The following PPM1E variants were observed in gnomAD, a reference collection of about 807,000 sequenced individuals.
The protein encoded by PPM1E is protein phosphatase, Mg2+/Mn2+ dependent 1E, also known as protein phosphatase 1E.
PPM1E carries 20 observed loss-of-function variants against 65.9 expected under a neutral mutation model. The observed-to-expected ratio is 0.30, with a 90% confidence interval of 0.21 to 0.44. The LOEUF is 0.44. PPM1E is among the 20% of genes least tolerant of loss of function. The probability of loss-of-function intolerance (pLI) is 1.00; values close to 1 mark genes in which losing one functional copy is unlikely to be tolerated. For synonymous variants in PPM1E, 352 were observed against 374.9 expected (o/e 0.94, Z 0.70); for missense variants, 713 against 953.1 (o/e 0.75, Z 3.32).
intron 1 of PPM1E, among the ~76,000 whole-genome samples, chr17:58,873,565 G>GTAGTAT (rs150532868): frequency 4.3e-5 from 6 of 141,010 alleles, no homozygotes; most frequent in African/African-American, 1.0e-4. Flanking sequence ...AATGCTCATA[G>GTAGTAT]TATTATTATT....
chr17:58,897,136 C>T (rs779316929), intron 1 of PPM1E, among the ~76,000 whole-genome samples: 32 of 151,984 alleles, frequency 2.1e-4, no homozygotes, highest in Admixed American at 4.6e-4. Context: ...TACTGCCGGC[C>T]GGGCGCGGTG....
intron 2 of PPM1E, among the ~76,000 whole-genome samples, chr17:58,960,101 C>T (rs2029984075): frequency 6.6e-6 from 1 of 152,162 alleles, no homozygotes; most frequent in Admixed American, 6.6e-5. Flanking sequence ...AAGGGATACA[C>T]AGGTAGATTC....
chr17:58,948,471 T>TA (rs991144901), intron 1 of PPM1E, among the ~76,000 whole-genome samples: 2 of 151,478 alleles, frequency 1.3e-5, no homozygotes, highest in African/African-American at 2.4e-5. Flanking sequence ...TTTCTTCCTT[T>TA]AAAAAAAAAT....
intron 1 of PPM1E, among the ~76,000 whole-genome samples, chr17:58,778,027 T>C (rs891542813): frequency 2.0e-5 from 3 of 152,134 alleles, no homozygotes; most frequent in African/African-American, 7.2e-5. Context: ...CCTCTGGGTC[T>C]CAATCGGTCT....
At chr17:58,802,287 C>G (rs2050265852) in intron 1 of PPM1E, among the ~76,000 whole-genome samples, 1 of 152,100 alleles carries the variant, frequency 6.6e-6, no homozygotes, top group African/African-American at 2.4e-5. Context: ...ATTAAAGAAA[C>G]TATCCTTTCC....
chr17:58,823,393 A>AT (rs2050500289), intron 1 of PPM1E, among the ~76,000 whole-genome samples: 2 of 152,186 alleles, frequency 1.3e-5, no homozygotes, highest in South Asian at 4.1e-4. Context: ...CAGGATTGTG[A>AT]TAACGCTGTT....
intron 1 of PPM1E, among the ~76,000 whole-genome samples, chr17:58,836,864 A>G (rs2050663432): frequency 6.7e-6 from 1 of 149,982 alleles, no homozygotes; most frequent in Admixed American, 6.6e-5. Flanking sequence ...TACTAAAAAT[A>G]CAAAAATTAG....
chr17:58,836,350 G>T (rs948863597), intron 1 of PPM1E, among the ~76,000 whole-genome samples: 1 of 151,858 alleles, frequency 6.6e-6, no homozygotes, highest in Non-Finnish European at 1.5e-5. Context: ...TTCCCAGGGG[G>T]CCTGGCATGG....
chr17:58,965,073 T>TAC (rs1181922399), intron 2 of PPM1E, among the ~76,000 whole-genome samples: 191 of 148,724 alleles, frequency 1.3e-3, no homozygotes, highest in East Asian at 8.5e-3. Context: ...AGTATATATA[T>TAC]ACACACACAC....
intron 1 of PPM1E, among the ~76,000 whole-genome samples, chr17:58,865,572 C>A (rs559809492): frequency 6.6e-6 from 1 of 152,132 alleles, no homozygotes; most frequent in East Asian, 1.9e-4. Flanking sequence ...TGATGGTGCA[C>A]ACTTGTAGTT....
At chr17:58,948,794 G>A (rs1232100810) in intron 1 of PPM1E, among the ~76,000 whole-genome samples, 1 of 152,112 alleles carries the variant, frequency 6.6e-6, no homozygotes, top group African/African-American at 2.4e-5. Context: ...GGAGCATGTT[G>A]TGTAATTTCC....
At chr17:58,960,727 C>CT (rs1428794569) in intron 2 of PPM1E, among the ~76,000 whole-genome samples, 2 of 147,176 alleles carry the variant, frequency 1.4e-5, no homozygotes, top group East Asian at 4.0e-4. Flanking sequence ...GATCACGCCA[C>CT]TGCACTCCAA....
At chr17:58,803,140 G>A (rs78956268) in intron 1 of PPM1E, among the ~76,000 whole-genome samples, 1,976 of 152,192 alleles carry the variant, frequency 0.013, 23 homozygotes, top group Non-Finnish European at 0.022. Context: ...ACTGAGGACC[G>A]TTGTCTTGTT....
chr17:58,882,951 C>CTTTTTT (rs549698099), intron 1 of PPM1E, among the ~76,000 whole-genome samples: 62 of 98,844 alleles, frequency 6.3e-4, no homozygotes, highest in Non-Finnish European at 8.8e-4. Context: ...TTATTACTTT[C>CTTTTTT]TTTTTTTTTT....
chr17:58,846,828 TC>T (rs1234195944), intron 1 of PPM1E, among the ~76,000 whole-genome samples: 1 of 152,234 alleles, frequency 6.6e-6, no homozygotes, highest in African/African-American at 2.4e-5. Context: ...TAGTTCTAGA[TC>T]CTTGAGGAAT....
intron 4 of PPM1E, among the ~76,000 whole-genome samples, 162 bp downstream of exon 4, chr17:58,969,889 C>T (rs1216910015): frequency 6.6e-6 from 1 of 152,182 alleles, no homozygotes; most frequent in Non-Finnish European, 1.5e-5. Flanking sequence ...CCAATTCCCT[C>T]CTCAGGAAGA....
At chr17:58,894,821 T>A (rs1312485136) in intron 1 of PPM1E, among the ~76,000 whole-genome samples, 2 of 152,218 alleles carry the variant, frequency 1.3e-5, no homozygotes, top group African/African-American at 4.8e-5. Flanking sequence ...TGAAATTTAT[T>A]CGAGTTGATG....
chr17:58,924,278 G>A (rs2051795337), intron 1 of PPM1E, among the ~76,000 whole-genome samples: 3 of 151,788 alleles, frequency 2.0e-5, no homozygotes, highest in Admixed American at 6.6e-5. Context: ...GAGGGAGGGA[G>A]GAACAAAGGG....
intron 1 of PPM1E, among the ~76,000 whole-genome samples, chr17:58,880,228 A>T (rs371470949): frequency 6.6e-6 from 1 of 152,202 alleles, no homozygotes; most frequent in Non-Finnish European, 1.5e-5. Flanking sequence ...TGTCTTTCAC[A>T]TGGGAATTTC....
Sources: gnomAD v4.1 joint callset for allele counts (sites outside exome capture counted in the v4.1 genomes callset) on GRCh38, gnomAD v4.1.1 for gene constraint, MANE v1.5 for transcripts, NCBI Gene and HGNC (gene_info 2026-07-23, HGNC 2026-07-21) for gene names.